The following MEX3A variants were observed in gnomAD, a reference collection of about 807,000 sequenced individuals.
The protein encoded by MEX3A is mex-3 RNA binding family member A.
Under a neutral mutation model 30.0 loss-of-function variants are expected in MEX3A, and 4 were observed. That is an observed-to-expected ratio of 0.13 (90% CI 0.07 to 0.30). The LOEUF is 0.30. Among genes scored for constraint, MEX3A ranks in the 10% least tolerant of loss-of-function variants. The probability of loss-of-function intolerance (pLI) is 1.00; values close to 1 mark genes in which losing one functional copy is unlikely to be tolerated. For missense variants in MEX3A, 555 were observed against 736.7 expected (o/e 0.75, Z 2.86); for synonymous variants, 335 against 327.6 (o/e 1.02, Z -0.24).
chr1:156,079,471 C>T lies in MEX3A; in HGVS notation c.455-1789G>A, dbSNP rs140742949. ...CCTCAGGTGATCCACCCGCCTCGGCCTCCCAAAATGCTGGGATTACAGGTG... is the reference window on the plus strand; with the variant it reads ...CCTCAGGTGATCCACCCGCCTCGGCTTCCCAAAATGCTGGGATTACAGGTG... On this transcript the variant is annotated intron_variant, in intron 1 of 1. Transcript: ENST00000532414. 2.8e-3 allele frequency among the ~76,000 whole-genome samples: 432 copies of T among 152,276 alleles called. 2 individuals carry two copies. Among genetic ancestry groups the T allele is most frequent in the African/African-American group, 9.8e-3 (409 of 41,546 alleles).
At position 156,077,726 on chromosome 1, in the gene MEX3A, G is replaced by A; in HGVS notation, c.455-44C>T. The A allele has an allele frequency of 6.5e-7, 1 of 1,528,702 alleles. No individual in the cohort carries two copies. Among genetic ancestry groups the A allele is most frequent in the East Asian group, 2.3e-5 (1 of 44,182 alleles). 94.7% of individuals were successfully genotyped at this position (1,528,702 alleles called of 1,614,324 possible). ...GGAGAGAGACAAAGAAACGCACACA[G>A]CAAGGTTTGTGCTGGGACCAATAAA... On this transcript the variant is annotated intron_variant, in intron 1 of 1. Transcript: ENST00000532414. This position sits in a 1 kb window ranked among gnomAD's most constrained non-coding sequence, Gnocchi z 8.3.
At position 156,077,388 on chromosome 1, in the gene MEX3A, T is replaced by C; in HGVS notation, c.749A>G (p.Gln250Arg). ...GATAATGTATGTGTTGGTTTGCTGC[T>C]GGATGCGCTTGATGGTTGCCCCTTT... ...GPKGATIKRI[Q>R]QQTNTYIITP... The change falls in exon 2 of 2, where the codon CAG becomes CGG. Residue 250 changes from glutamine (Q) to arginine (R), a missense_variant. Gln to Arg is a conservative substitution (Grantham distance 43, BLOSUM62 1). Coordinates refer to ENST00000532414, the MANE Select transcript of MEX3A (RefSeq NM_001093725.2). This position sits in a 1 kb window ranked among gnomAD's most constrained non-coding sequence, Gnocchi z 8.3. 6.2e-7 allele frequency: 1 copy of C among 1,613,536 alleles called. No homozygotes were observed. Among genetic ancestry groups the C allele is most frequent in the Non-Finnish European group, 8.5e-7 (1 of 1,179,738 alleles).
Position 156,077,129 on chromosome 1 carries a change from C to T in MEX3A, c.1008G>A (p.Gln336=), listed in dbSNP as rs2102776601. 2.5e-6 allele frequency: 4 copies of T among 1,613,808 alleles called. No homozygotes were observed. The highest frequency in any genetic ancestry group is 1.1e-5 in the South Asian group (1 of 91,090). The stretch of plus-strand genomic sequence containing the variant: ...ACTCGCCGATGCAGCCCAGGCTGTT[C>T]TGCCGGAAGGTGGAGAGGGGCTTGC... ...PGCKPLSTFR[Q]NSLGCIGECG... The change falls in exon 2 of 2, where the codon CAG becomes CAA. Residue 336 remains glutamine (Q), a synonymous_variant. Coordinates refer to ENST00000532414, the MANE Select transcript of MEX3A (RefSeq NM_001093725.2). The surrounding 1 kb of genome is among the most constrained non-coding windows in gnomAD (Gnocchi z 8.3).
chr1:156,077,729 A>G lies in MEX3A; in HGVS notation c.455-47T>C, dbSNP rs779388044. On this transcript the variant is annotated intron_variant, in intron 1 of 1. Coordinates refer to ENST00000532414, the MANE Select transcript of MEX3A (RefSeq NM_001093725.2). This position sits in a 1 kb window ranked among gnomAD's most constrained non-coding sequence, Gnocchi z 8.3. ...GAGAGACAAAGAAACGCACACAGCA[A>G]GGTTTGTGCTGGGACCAATAAATTC... 9.2e-6 allele frequency: 14 copies of G among 1,525,366 alleles called. No homozygotes were observed. The highest frequency in any genetic ancestry group is 1.2e-5 in the Non-Finnish European group (14 of 1,141,874). The allele number at this position is 1,525,366 out of a possible 1,614,324, so 94.5% of individuals were successfully genotyped here.
At chr1:156,080,779 T>C (rs1444541092) in intron 1 of MEX3A, among the ~76,000 whole-genome samples, 2 of 124,760 alleles carry the variant, frequency 1.6e-5, no homozygotes, top group Non-Finnish European at 1.7e-5. Flanking sequence ...CCCCCAGCAT[T>C]CCCCCTCCTA....
intron 1 of MEX3A, among the ~76,000 whole-genome samples, chr1:156,081,076 CAGAT>C (rs1287224882): frequency 6.6e-6 from 1 of 152,124 alleles, no homozygotes; most frequent in Non-Finnish European, 1.5e-5. Context: ...AACAAAGAGA[CAGAT>C]ACTCAGTCTG....
At chr1:156,078,520 G>C (rs1056808630) in intron 1 of MEX3A, among the ~76,000 whole-genome samples, 4 of 152,158 alleles carry the variant, frequency 2.6e-5, no homozygotes, top group African/African-American at 9.7e-5. Flanking sequence ...CCACACTCCT[G>C]CTTTGAAGTA....
Position 156,076,219 on chromosome 1 carries a change from T to G in MEX3A, c.*355A>C, listed in dbSNP as rs763803120. ...CCCCTCCTCGGAAGAAGGGGTGGAG[T>G]GACACACAGCGGGGGAGGTGGGCAG... On this transcript the variant is annotated 3_prime_UTR_variant, in exon 2 of 2. Transcript: ENST00000532414. The surrounding 1 kb of genome is among the most constrained non-coding windows in gnomAD (Gnocchi z 6.0). The G allele has an allele frequency of 8.9e-5, 18 of 202,722 alleles. No individual in the cohort carries two copies. The highest frequency in any genetic ancestry group is 3.0e-5 in the Non-Finnish European group (3 of 100,944). The allele number at this position is 202,722 out of a possible 1,614,324, so 12.6% of individuals were successfully genotyped here.
At position 156,076,443 on chromosome 1, in the gene MEX3A, C is replaced by T; in HGVS notation, c.*131G>A. 3 of 963,904 alleles carry T rather than the reference C, an allele frequency of 3.1e-6. No individual in the cohort carries two copies. Among genetic ancestry groups the T allele is most frequent in the Non-Finnish European group, 3.0e-6 (2 of 670,464 alleles). The allele number at this position is 963,904 out of a possible 1,614,324, so 59.7% of individuals were successfully genotyped here. ...CCCTCCAGCCACCACTGCCTCCCTC[C>T]CCCCTTCCCCAGCGAGCGAGTATCT... is the stretch of plus-strand genomic sequence containing the variant. On this transcript the variant is annotated 3_prime_UTR_variant, in exon 2 of 2. Coordinates refer to ENST00000532414, the MANE Select transcript of MEX3A (RefSeq NM_001093725.2). The surrounding 1 kb of genome is among the most constrained non-coding windows in gnomAD (Gnocchi z 6.0).
Position 156,082,070 on chromosome 1 carries a change from G to A in MEX3A, c.-72C>T, listed in dbSNP as rs1648270378. 3.5e-6 allele frequency: 2 copies of A among 571,096 alleles called. No homozygotes were observed. The highest frequency in any genetic ancestry group is 5.4e-6 in the Non-Finnish European group (2 of 371,374). The allele number at this position is 571,096 out of a possible 1,614,324, so 35.4% of individuals were successfully genotyped here. A position where few individuals can be genotyped will look rare whatever the true frequency, so the allele number is the denominator to read the frequency against. On this transcript the variant is annotated 5_prime_UTR_variant, in exon 1 of 2. Coordinates refer to ENST00000532414, the MANE Select transcript of MEX3A (RefSeq NM_001093725.2). ...AGGTGGTGGAAGGGAAAAGAGGAGA[G>A]AGGAGGGGAGGGGAGAGGAGAGGAG...
In MEX3A at chr1:156,077,484, G is replaced by A; in HGVS notation, c.653C>T (p.Pro218Leu). Residue 218 changes from proline to leucine, a missense_variant, in exon 2 of 2, where the codon CCT becomes CTT. Around this residue, in one of 6 missense-constraint regions of MEX3A, gnomAD observed 35 missense variants for 44.1 expected, o/e 0.79. Coordinates refer to ENST00000532414, the MANE Select transcript of MEX3A (RefSeq NM_001093725.2). This position sits in a 1 kb window ranked among gnomAD's most constrained non-coding sequence, Gnocchi z 8.3. Reference protein sequence around the residue: ...NKSGAAFGVAPALPGQVTIRV... With the variant: ...NKSGAAFGVALALPGQVTIRV... ...GATGGTCACCTGGCCGGGCAGAGCA[G>A]GAGCCACACCAAAGGCGGCGCCTGA... The A allele has an allele frequency of 6.2e-7, 1 of 1,613,416 alleles. No individual in the cohort carries two copies. Among genetic ancestry groups the A allele is most frequent in the Non-Finnish European group, 8.5e-7 (1 of 1,179,668 alleles).
rs1648093773 is a variant in MEX3A, at chr1:156,076,983, G to GCCACGCCGTAGTACACATCCTGCTTGC, written c.1127_1153dup (p.Gly376_Val384dup). 1.2e-6 allele frequency: 2 copies of GCCACGCCGTAGTACACATCCTGCTTGC among 1,612,730 alleles called. No individual in the cohort carries two copies. The highest frequency in any genetic ancestry group is 4.5e-5 in the East Asian group (2 of 44,818). ...CGCCCACAGCGGGGGGCTAGTCTCG[G>GCCACGCCGTAGTACACATCCTGCTTGC]CCACGCCGTAGTACACATCCTGCTT... is the stretch of plus-strand genomic sequence containing the variant. On this transcript the variant is annotated inframe_insertion, in exon 2 of 2. Transcript: ENST00000532414. This position sits in a 1 kb window ranked among gnomAD's most constrained non-coding sequence, Gnocchi z 6.0.
chr1:156,077,372 T>C lies in MEX3A; in HGVS notation c.765A>G (p.Thr255=). The C allele has an allele frequency of 2.5e-6, 4 of 1,613,532 alleles. No individual in the cohort carries two copies. Among genetic ancestry groups the C allele is most frequent in the South Asian group, 1.1e-5 (1 of 91,054 alleles). The change falls in exon 2 of 2, where the codon ACA becomes ACG. Residue 255 remains threonine, a synonymous_variant. Coordinates refer to ENST00000532414, the MANE Select transcript of MEX3A (RefSeq NM_001093725.2). This position sits in a 1 kb window ranked among gnomAD's most constrained non-coding sequence, Gnocchi z 8.3. The part of the protein sequence containing the change: ...TIKRIQQQTN[T]YIITPSRDRD... ...GGTCACGGCTTGGTGTGATAATGTA[T>C]GTGTTGGTTTGCTGCTGGATGCGCT...
At position 156,077,461 on chromosome 1, in the gene MEX3A, T is replaced by C. The variant is rs1398218321; in HGVS notation, c.676A>G (p.Ile226Val). 4 of 1,613,414 alleles carry C rather than the reference T, an allele frequency of 2.5e-6. No individual in the cohort carries two copies. Among genetic ancestry groups the C allele is most frequent in the Non-Finnish European group, 2.5e-6 (3 of 1,179,708 alleles). ...ACGCGGTAGGGCACCCGCACACGGA[T>C]GGTCACCTGGCCGGGCAGAGCAGGA... Reference protein sequence around the residue: ...VAPALPGQVTIRVRVPYRVVG... With the variant: ...VAPALPGQVTVRVRVPYRVVG... Residue 226 changes from isoleucine to valine, a missense_variant, in exon 2 of 2, where the codon ATC (isoleucine) becomes GTC (valine). Around this residue, in one of 6 missense-constraint regions of MEX3A, gnomAD observed 35 missense variants for 44.1 expected, o/e 0.79. Transcript: ENST00000532414. This position sits in a 1 kb window ranked among gnomAD's most constrained non-coding sequence, Gnocchi z 8.3.
In MEX3A at chr1:156,072,193, G is replaced by C. The variant is rs764421615; in HGVS notation, c.*4381C>G. The C allele has an allele frequency of 6.6e-6, 1 of 152,392 alleles. No homozygotes were observed. The highest frequency in any genetic ancestry group is 2.4e-5 in the African/African-American group (1 of 41,304). 9.4% of individuals were successfully genotyped at this position (152,392 alleles called of 1,614,324 possible). A position where few individuals can be genotyped will look rare whatever the true frequency, so the allele number is the denominator to read the frequency against. On this transcript the variant is annotated 3_prime_UTR_variant, in exon 2 of 2. Transcript: ENST00000532414. ...ATCTTTTTCCTTGGTGGATTTGTAC[G>C]TGTCTTCACTAGATGCCTCAAATTA...
rs759060654 is a variant in MEX3A, at chr1:156,077,252, G to C, written c.885C>G (p.Ile295Met). 1.9e-6 allele frequency: 3 copies of C among 1,613,856 alleles called. No homozygotes were observed. The highest frequency in any genetic ancestry group is 2.7e-5 in the African/African-American group (2 of 75,072). ...ETHIAVRTGK[I>M]LEYNNENDFL... Reference sequence around the variant, plus strand: ...AGTCGTTTTCATTGTTGTACTCGAGGATCTTGCCAGTGCGCACCGCGATGT... The same window carrying C: ...AGTCGTTTTCATTGTTGTACTCGAGCATCTTGCCAGTGCGCACCGCGATGT... Residue 295 changes from isoleucine (I) to methionine (M), a missense_variant, in exon 2 of 2, where the codon ATC becomes ATG. Coordinates refer to ENST00000532414, the MANE Select transcript of MEX3A (RefSeq NM_001093725.2). The surrounding 1 kb of genome is among the most constrained non-coding windows in gnomAD (Gnocchi z 8.3).
In MEX3A at chr1:156,074,822, G is replaced by A. The variant is rs1435888363; in HGVS notation, c.*1752C>T. 2 of 152,756 alleles carry A rather than the reference G, an allele frequency of 1.3e-5. No homozygotes were observed. The highest frequency in any genetic ancestry group is 4.8e-5 in the African/African-American group (2 of 41,456). The allele number at this position is 152,756 out of a possible 1,614,324, so 9.5% of individuals were successfully genotyped here. On this transcript the variant is annotated 3_prime_UTR_variant, in exon 2 of 2. Transcript: ENST00000532414. ...CCCACCCCTCCCTGGCTGGTGTTCT[G>A]GAGGGGAAGGCTGTGGAGAGGTGTT...
chr1:156,074,758 A>C lies in MEX3A; in HGVS notation c.*1816T>G, dbSNP rs1037386515. 2.6e-5 allele frequency: 4 copies of C among 152,284 alleles called. No homozygotes were observed. The highest frequency in any genetic ancestry group is 2.6e-4 in the Admixed American group (4 of 15,234). 9.4% of individuals were successfully genotyped at this position (152,284 alleles called of 1,614,324 possible). Reference sequence around the variant, plus strand: ...GGCTCACATAGGCGGGAAGGAGGGAAGTCGTCACAGGGCAGTTTTCTTGGC... The same window carrying C: ...GGCTCACATAGGCGGGAAGGAGGGACGTCGTCACAGGGCAGTTTTCTTGGC... On this transcript the variant is annotated 3_prime_UTR_variant, in exon 2 of 2. Coordinates refer to ENST00000532414, the MANE Select transcript of MEX3A (RefSeq NM_001093725.2).
In MEX3A at chr1:156,077,133, C is replaced by T. The variant is rs769046787; in HGVS notation, c.1004G>A (p.Arg335Gln). The part of the protein sequence containing the change: ...QPGCKPLSTF[R>Q]QNSLGCIGEC... ...GCCGATGCAGCCCAGGCTGTTCTGC[C>T]GGAAGGTGGAGAGGGGCTTGCAGCC... is the stretch of plus-strand genomic sequence containing the variant. The change falls in exon 2 of 2, where the codon CGG becomes CAG. Residue 335 changes from arginine (R) to glutamine (Q), a missense_variant. Coordinates refer to ENST00000532414, the MANE Select transcript of MEX3A (RefSeq NM_001093725.2). This position sits in a 1 kb window ranked among gnomAD's most constrained non-coding sequence, Gnocchi z 8.3. The T allele has an allele frequency of 3.1e-6, 5 of 1,613,772 alleles. No homozygotes were observed. The Admixed American group carries it at 5.0e-5, about 16-fold the overall frequency.
Sources: allele counts gnomAD v4.1 joint callset (sites outside exome capture counted in the v4.1 genomes callset), GRCh38; gene constraint gnomAD v4.1.1; regional missense constraint gnomAD v4.1.1; non-coding constraint Gnocchi (gnomAD v3.1); transcripts MANE v1.5; gene names NCBI Gene and HGNC (gene_info 2026-07-23, HGNC 2026-07-21).